CD8A: variants seen among roughly 807,000 people sequenced by gnomAD.
CD8A encodes T-cell surface glycoprotein CD8 alpha chain.
In CD8A, 25 loss-of-function variants were observed where a neutral mutation model predicts 24.2. That is an observed-to-expected ratio of 1.03 (90% confidence interval 0.75 to 1.44). CD8A has a LOEUF of 1.44. CD8A is among the 40% of genes most tolerant of loss of function. The probability of loss-of-function intolerance (pLI) is 0.00; values close to 1 mark genes in which losing one functional copy is unlikely to be tolerated. For missense variants in CD8A, 360 were observed against 319.7 expected (o/e 1.13, Z -0.96); for synonymous variants, 165 against 149.9 (o/e 1.10, Z -0.74).
Position 86,785,810 on chromosome 2 carries a change from C to A in CD8A, c.*110G>T. ...ACCCCGCCCCCACTAAAATAATAAT[C>A]ATGAGAATGAATACACAGGGAGGAA... On this transcript the variant is annotated 3_prime_UTR_variant, in exon 6 of 6. Coordinates refer to ENST00000283635, the MANE Select transcript of CD8A (RefSeq NM_001768.7). 2.4e-6 allele frequency: 2 copies of A among 840,466 alleles called. No individual in the cohort carries two copies. The highest frequency in any genetic ancestry group is 4.2e-6 in the Non-Finnish European group (2 of 474,966). The allele number at this position is 840,466 out of a possible 1,614,324, so 52.1% of individuals were successfully genotyped here.
chr2:86,792,344 T>C (rs1245621168), upstream of CD8A, among the ~76,000 whole-genome samples: 1 of 152,142 alleles, frequency 6.6e-6, no homozygotes, highest in Admixed American at 6.5e-5. Flanking sequence ...CCCCACCCAT[T>C]AGTTCTGCTG....
At position 86,789,708 on chromosome 2, in the gene CD8A, G is replaced by A. The variant is rs754270898; in HGVS notation, c.446C>T (p.Ala149Val). 24 of 1,391,128 alleles carry A rather than the reference G, an allele frequency of 1.7e-5. No homozygotes were observed. Among genetic ancestry groups the A allele is most frequent in the Non-Finnish European group, 2.2e-5 (24 of 1,080,042 alleles). The allele number at this position is 1,391,128 out of a possible 1,614,324, so 86.2% of individuals were successfully genotyped here. A position where few individuals can be genotyped will look rare whatever the true frequency, so the allele number is the denominator to read the frequency against. Residue 149 changes from alanine (A) to valine (V), a missense_variant, in exon 3 of 6, where the codon GCG (alanine) becomes GTG (valine). Coordinates refer to ENST00000283635, the MANE Select transcript of CD8A (RefSeq NM_001768.7). ...CAGGGGCTGCGACGCGATGGTGGGCGCCGGTGTTGGTGGTCGCGGCGCTGG... is the reference window on the plus strand; with the variant it reads ...CAGGGGCTGCGACGCGATGGTGGGCACCGGTGTTGGTGGTCGCGGCGCTGG... ...TTPAPRPPTPAPTIASQPLSL... is the reference protein window; with the variant it reads ...TTPAPRPPTPVPTIASQPLSL...
upstream of CD8A, among the ~76,000 whole-genome samples, chr2:86,793,664 C>T (rs552788484): frequency 6.6e-6 from 1 of 152,328 alleles, no homozygotes; most frequent in South Asian, 2.1e-4. Context: ...TGGCTAGACA[C>T]GAAACTGCAC....
Position 86,800,264 on chromosome 2 carries a change from C to G in CD8A, c.-271+1247G>C, listed in dbSNP as rs371319490. On this transcript the variant is annotated intron_variant, in intron 3 of 8. Transcript: ENST00000409511. The stretch of plus-strand genomic sequence containing the variant: ...CACAAGGTCAGGAGTTTGAGACTAG[C>G]CTGGCCAACATGGTGAAACCCCGTC... Among the ~76,000 whole-genome samples the G allele has an allele frequency of 1.7e-4, 26 of 151,912 alleles. No homozygotes were observed. The East Asian group carries it at 4.7e-3, about 27-fold the overall frequency.
At chr2:86,790,995 C>A, upstream of CD8A, 3 of 765,458 alleles carry the variant, frequency 3.9e-6, no homozygotes, top group Non-Finnish European at 6.8e-6. Flanking sequence ...GAGAGTCACC[C>A]TCCTTTTCGC....
At chr2:86,792,577 C>T (rs1673347425), upstream of CD8A, among the ~76,000 whole-genome samples, 2 of 152,062 alleles carry the variant, frequency 1.3e-5, no homozygotes, top group South Asian at 4.1e-4. Flanking sequence ...TCACTGCAGC[C>T]TCTACCTCCC....
At chr2:86,787,903 G>A (rs1458452551) in intron 5 of CD8A, among the ~76,000 whole-genome samples, 1 of 150,642 alleles carries the variant, frequency 6.6e-6, no homozygotes, top group African/African-American at 2.4e-5. Flanking sequence ...GAGAGAGTGT[G>A]TGTGTGTGTG....
chr2:86,791,649 C>T (rs1306026561), upstream of CD8A: 2 of 454,064 alleles, frequency 4.4e-6, no homozygotes, highest in Admixed American at 4.7e-5. Flanking sequence ...CTGCTGCAGC[C>T]TCCCATGGCC....
At chr2:86,791,828 GC>G (rs1673322996), upstream of CD8A, 1 of 364,302 alleles carries the variant, frequency 2.7e-6, no homozygotes, top group Admixed American at 3.5e-5. Flanking sequence ...TCACGCCCTT[GC>G]ACTTGCGGTC....
intron 3 of CD8A, among the ~76,000 whole-genome samples, chr2:86,796,914 G>C (rs918652478): frequency 6.6e-5 from 10 of 152,100 alleles, no homozygotes; most frequent in African/African-American, 2.4e-4. Flanking sequence ...TCCCACACAT[G>C]ATTACATGTC....
chr2:86,802,236 C>A (rs1673696349), intron 2 of CD8A, among the ~76,000 whole-genome samples: 1 of 152,102 alleles, frequency 6.6e-6, no homozygotes, highest in South Asian at 2.1e-4. Flanking sequence ...CAGGATTTCA[C>A]CATGTTAGCC....
intron 3 of CD8A, among the ~76,000 whole-genome samples, chr2:86,800,653 T>C (rs1673641859): frequency 6.6e-6 from 1 of 152,132 alleles, no homozygotes; most frequent in Admixed American, 6.6e-5. Context: ...AGTTTAGGGC[T>C]TCCAAAACCC....
upstream of CD8A, chr2:86,791,147 T>A (rs577230615): frequency 5.0e-4 from 299 of 601,808 alleles, no homozygotes; most frequent in Non-Finnish European, 7.9e-4. Context: ...TTGGAAATGG[T>A]TGTCTTGTGA....
At chr2:86,790,926 C>A, upstream of CD8A, 2 of 1,134,090 alleles carry the variant, frequency 1.8e-6, no homozygotes, top group Non-Finnish European at 2.6e-6. Flanking sequence ...GCCCTTCGGC[C>A]GGCCCGGAGC....
upstream of CD8A, among the ~76,000 whole-genome samples, chr2:86,793,785 T>C (rs921986207): frequency 1.4e-4 from 22 of 152,164 alleles, no homozygotes; most frequent in African/African-American, 4.8e-4. Context: ...TGTACTGCTT[T>C]AAAATAGACT....
Position 86,785,806 on chromosome 2 carries a change from T to A in CD8A, c.*114A>T. 1 of 838,556 alleles carries A rather than the reference T, an allele frequency of 1.2e-6. No homozygotes were observed. The highest frequency in any genetic ancestry group is 2.1e-6 in the Non-Finnish European group (1 of 472,014). The allele number at this position is 838,556 out of a possible 1,614,324, so 51.9% of individuals were successfully genotyped here. ...TCCCACCCCGCCCCCACTAAAATAA[T>A]AATCATGAGAATGAATACACAGGGA... On this transcript the variant is annotated 3_prime_UTR_variant, in exon 6 of 6. Transcript: ENST00000283635.
Position 86,785,406 on chromosome 2 carries a change from G to A in CD8A, c.*514C>T, listed in dbSNP as rs1334318937. On this transcript the variant is annotated 3_prime_UTR_variant, in exon 6 of 6. Transcript: ENST00000283635. ...ATCAAGAAGTACTTGTTCCCTTGCCGTTGGAGACTCAAGCACCTCACCCTG... is the reference window on the plus strand; with the variant it reads ...ATCAAGAAGTACTTGTTCCCTTGCCATTGGAGACTCAAGCACCTCACCCTG... 2.2e-6 allele frequency: 1 copy of A among 454,568 alleles called. No homozygotes were observed. The highest frequency in any genetic ancestry group is 1.6e-5 in the South Asian group (1 of 64,474). 28.2% of individuals were successfully genotyped at this position (454,568 alleles called of 1,614,324 possible).
chr2:86,787,898 A>AGAGAGAGAGAGAGAGAGTGTGTGT (rs369993109), intron 5 of CD8A, among the ~76,000 whole-genome samples: 4 of 144,598 alleles, frequency 2.8e-5, no homozygotes, highest in African/African-American at 1.0e-4. Flanking sequence ...AGAGAGAGAG[A>AGAGAGAGAGAGAGAGAGTGTGTGT]GTGTGTGTGT....
chr2:86,802,847 G>C (rs544315290), intron 2 of CD8A, among the ~76,000 whole-genome samples: 1 of 152,286 alleles, frequency 6.6e-6, no homozygotes, highest in African/African-American at 2.4e-5. Context: ...TTGGCCTCAA[G>C]TGATCTGCCT....
Sources: gnomAD v4.1 joint callset for allele counts (sites outside exome capture counted in the v4.1 genomes callset) on GRCh38, gnomAD v4.1.1 for gene constraint, MANE v1.5 for transcripts, NCBI Gene and HGNC (gene_info 2026-07-23, HGNC 2026-07-21) for gene names.